SHISA9: variants seen among roughly 807,000 people sequenced by gnomAD.
SHISA9 encodes the protein shisa family member 9, also known as protein shisa-9.
In SHISA9, 13 loss-of-function variants were observed where a neutral mutation model predicts 38.0. The ratio of observed to expected loss-of-function variants is 0.34; its 90% CI spans 0.22 to 0.54. The LOEUF (loss-of-function observed/expected upper bound fraction) is 0.54, where lower values mean the gene tolerates loss of function less well. SHISA9 is among the 20% of genes least tolerant of loss of function. The probability of loss-of-function intolerance (pLI) is 0.91; values close to 1 mark genes in which losing one functional copy is unlikely to be tolerated. For synonymous variants in SHISA9, 275 were observed against 242.0 expected (o/e 1.14, Z -1.27); for missense variants, 538 against 575.8 (o/e 0.93, Z 0.67).
intron 2 of SHISA9, among the ~76,000 whole-genome samples, chr16:12,996,554 TCCTAC>T (rs1336454108): frequency 6.6e-6 from 1 of 152,194 alleles, no homozygotes; most frequent in Admixed American, 6.5e-5. Context: ...ACATCTCCAC[TCCTAC>T]AATTCATATC....
intron 2 of SHISA9, among the ~76,000 whole-genome samples, chr16:13,115,416 C>T (rs925607140): frequency 2.1e-4 from 32 of 152,170 alleles, no homozygotes; most frequent in Admixed American, 7.2e-4. Context: ...TTAAGGGAAA[C>T]GAAGGGATGG....
intron 2 of SHISA9, among the ~76,000 whole-genome samples, chr16:13,036,949 C>T (rs954353009): frequency 2.6e-5 from 4 of 152,062 alleles, no homozygotes; most frequent in Non-Finnish European, 4.4e-5. Flanking sequence ...TCATTTTAGT[C>T]TCACCAACCA....
At chr16:13,049,207 T>C (rs1218348521) in intron 2 of SHISA9, among the ~76,000 whole-genome samples, 6 of 138,430 alleles carry the variant, frequency 4.3e-5, no homozygotes, top group Non-Finnish European at 1.6e-5. Flanking sequence ...TGTGTGTGTA[T>C]GTGTATGTGT....
intron 2 of SHISA9, among the ~76,000 whole-genome samples, chr16:12,955,440 T>G (rs1000454298): frequency 3.9e-5 from 6 of 152,018 alleles, no homozygotes; most frequent in Non-Finnish European, 5.9e-5. Context: ...GTTGTATTCC[T>G]AGAGACAAAC....
chr16:13,352,588 C>G, the SHISA9 span, among the ~76,000 whole-genome samples: 1 of 151,830 alleles, frequency 6.6e-6, no homozygotes, highest in Non-Finnish European at 1.5e-5. Context: ...TATTTTCATG[C>G]GCGTCCGTGT....
intron 2 of SHISA9, among the ~76,000 whole-genome samples, chr16:12,926,241 A>T (rs1484926768): frequency 6.6e-6 from 1 of 152,054 alleles, no homozygotes; most frequent in Non-Finnish European, 1.5e-5. Flanking sequence ...TTTCTAAAGG[A>T]CCTATACTGG....
chr16:13,029,014 C>G (rs1464020641), intron 2 of SHISA9, among the ~76,000 whole-genome samples: 1 of 152,130 alleles, frequency 6.6e-6, no homozygotes, highest in Admixed American at 6.5e-5. Flanking sequence ...ATAGACCTTC[C>G]CTAGATATAA....
At chr16:13,359,818 C>T in the SHISA9 span, among the ~76,000 whole-genome samples, 7 of 152,188 alleles carry the variant, frequency 4.6e-5, no homozygotes, top group Non-Finnish European at 8.8e-5. Flanking sequence ...AGTGTGGTGA[C>T]ACAGAACACC....
chr16:13,307,293 A>G, the SHISA9 span, among the ~76,000 whole-genome samples: 1 of 152,166 alleles, frequency 6.6e-6, no homozygotes, highest in Non-Finnish European at 1.5e-5. Flanking sequence ...TTTATTTTTC[A>G]TATTTTGCAT....
At position 13,224,267 on chromosome 16, in the gene SHISA9, A is replaced by C. The variant is rs146833851; in HGVS notation, c.896-10763A>C. ...AATCAATCCCTGCCTTCTTCACCTG[A>C]CTTTATTCTACCTCCCTTCCCCCGA... On this transcript the variant is annotated intron_variant, in intron 4 of 4. Transcript: ENST00000558583. Among the ~76,000 whole-genome samples the C allele has an allele frequency of 3.4e-3, 522 of 152,282 alleles. 9 individuals carry two copies. Among genetic ancestry groups the C allele is most frequent in the East Asian group, 6.0e-3 (31 of 5,182 alleles).
the SHISA9 span, among the ~76,000 whole-genome samples, chr16:13,256,426 CACGGGCCA>C: frequency 6.6e-6 from 1 of 152,212 alleles, no homozygotes; most frequent in African/African-American, 2.4e-5. Flanking sequence ...GGATTACAGG[CACGGGCCA>C]CCATGCCCCA....
chr16:13,368,005 A>G, the SHISA9 span, among the ~76,000 whole-genome samples: 1 of 152,182 alleles, frequency 6.6e-6, no homozygotes, highest in Non-Finnish European at 1.5e-5. Context: ...CACTGCACCC[A>G]CTAACTCGTC....
chr16:13,474,073 G>A, the SHISA9 span: 2 of 152,330 alleles, frequency 1.3e-5, no homozygotes, highest in Non-Finnish European at 2.9e-5. Context: ...AGGGCCCTGG[G>A]TGTGAGCACT....
the SHISA9 span, among the ~76,000 whole-genome samples, chr16:13,393,919 A>C: frequency 8.5e-5 from 13 of 152,146 alleles, no homozygotes; most frequent in Non-Finnish European, 1.9e-4. Context: ...CATTGTTCCC[A>C]TTCTTTCCTC....
At chr16:13,244,871 A>C (rs139602956), downstream of SHISA9, among the ~76,000 whole-genome samples, 7 of 152,240 alleles carry the variant, frequency 4.6e-5, no homozygotes, top group South Asian at 1.2e-3. Flanking sequence ...TACTGTTGAC[A>C]AAGTCCCAGG....
chr16:13,280,906 G>A, the SHISA9 span, among the ~76,000 whole-genome samples: 1 of 151,824 alleles, frequency 6.6e-6, no homozygotes, highest in African/African-American at 2.4e-5. Context: ...AGGAAAGAAT[G>A]CAACAAGCAG....
the SHISA9 span, chr16:13,474,266 A>T: frequency 1.3e-5 from 2 of 151,530 alleles, no homozygotes; most frequent in Non-Finnish European, 2.9e-5. Context: ...AAACAAATCA[A>T]TTCTGCCTGG....
At chr16:13,008,652 T>A (rs1596580903) in intron 2 of SHISA9, among the ~76,000 whole-genome samples, 1 of 21,980 alleles carries the variant, frequency 4.5e-5, no homozygotes, top group Non-Finnish European at 8.9e-5. Flanking sequence ...CCTCCCTCCC[T>A]CCCTCCCTCC....
chr16:13,120,982 C>T (rs1324548657), intron 2 of SHISA9, among the ~76,000 whole-genome samples: 2 of 151,912 alleles, frequency 1.3e-5, no homozygotes, highest in Non-Finnish European at 2.9e-5. Flanking sequence ...GGAGTCTTCC[C>T]ATCACTATAC....
Sources: allele counts gnomAD v4.1 joint callset (sites outside exome capture counted in the v4.1 genomes callset), GRCh38; gene constraint gnomAD v4.1.1; transcripts MANE v1.5; gene names NCBI Gene and HGNC (gene_info 2026-07-23, HGNC 2026-07-21).